GRIP1: variants seen among roughly 807,000 people sequenced by gnomAD.
The protein encoded by GRIP1 is glutamate receptor-interacting protein 1.
In GRIP1, 45 loss-of-function variants were observed where a neutral mutation model predicts 129.9. That is an observed-to-expected ratio of 0.35 (90% CI 0.27 to 0.44). GRIP1 has a LOEUF of 0.44. Among genes scored for constraint, GRIP1 ranks in the 20% least tolerant of loss-of-function variants. The pLI, the probability that GRIP1 is intolerant of heterozygous loss-of-function variation, is 1.00. For missense variants in GRIP1, 1,196 were observed against 1,396.8 expected, an observed-to-expected ratio of 0.86 and a Z score of 2.29; for synonymous variants, 530 against 520.8, an observed-to-expected ratio of 1.02 and a Z score of -0.24.
intron 8 of GRIP1, among the ~76,000 whole-genome samples, chr12:66,464,813 G>A (rs1344233753): frequency 1.5e-5 from 2 of 131,234 alleles, no homozygotes; most frequent in African/African-American, 6.5e-5. Flanking sequence ...AAACTGGCAA[G>A]AGAACTGTGT....
chr12:66,926,481 G>A lies in GRIP1; in HGVS notation c.58+142569C>T, dbSNP rs1012159735. Among the ~76,000 whole-genome samples, 3 of 152,168 alleles carry A rather than the reference G, an allele frequency of 2.0e-5. No individual in the cohort carries two copies. In the South Asian group the frequency reaches 6.2e-4, roughly 32 times the overall value. On this transcript the variant is annotated intron_variant, in intron 1 of 1. Coordinates refer to the GRIP1 transcript ENST00000643019. ...GTGAAGCTGAGAAACCTGAGTTCGA[G>A]TTCTGCCTCCATCATTTACTGTCAC...
At chr12:66,542,351 C>T (rs2061810605) in intron 2 of GRIP1, among the ~76,000 whole-genome samples, 1 of 152,158 alleles carries the variant, frequency 6.6e-6, no homozygotes, top group South Asian at 2.1e-4. Context: ...ATATATAGCA[C>T]AGTGGCACAC....
At chr12:66,995,131 G>C (rs2042448482) in intron 1 of GRIP1, among the ~76,000 whole-genome samples, 1 of 151,080 alleles carries the variant, frequency 6.6e-6, no homozygotes. Flanking sequence ...AGTACAACTG[G>C]ATATTTATAT....
chr12:66,457,940 C>T (rs780159342), intron 9 of GRIP1, among the ~76,000 whole-genome samples: 4 of 152,192 alleles, frequency 2.6e-5, no homozygotes, highest in South Asian at 2.1e-4. Context: ...TAGGCAAATA[C>T]GGTGCTTAGC....
chr12:66,641,848 T>C (rs921728665), intron 1 of GRIP1, among the ~76,000 whole-genome samples: 1 of 152,214 alleles, frequency 6.6e-6, no homozygotes, highest in Admixed American at 6.5e-5. Context: ...CTACTGAACA[T>C]ATGCGAAGTA....
In GRIP1 at chr12:66,451,383, G is replaced by GTTTTTTTTTTTTTTTT. The variant is rs1169331519; in HGVS notation, c.1354+4010_1354+4025dup. On this transcript the variant is annotated intron_variant, in intron 11 of 24. Coordinates refer to ENST00000359742, the MANE Select transcript of GRIP1 (RefSeq NM_001366722.1). Reference sequence around the variant, plus strand: ...CCCCAAAGATTTATTATTATAATCTGTTTTTTTTTTTTTTTTTTTTTTTTT... The same window carrying GTTTTTTTTTTTTTTTT: ...CCCCAAAGATTTATTATTATAATCTGTTTTTTTTTTTTTTTTTTTTTTTTTTTTTTTTTTTTTTTTT... Among the ~76,000 whole-genome samples the GTTTTTTTTTTTTTTTT allele has an allele frequency of 4.7e-4, 20 of 42,656 alleles. 4 individuals carry two copies. The highest frequency in any genetic ancestry group is 9.5e-4 in the Admixed American group (3 of 3,150). The allele number at this position is 42,656 out of a possible 152,430, so 28.0% of individuals were successfully genotyped here. A position where few individuals can be genotyped will look rare whatever the true frequency, so the allele number is the denominator to read the frequency against.
At chr12:66,924,774 T>C (rs1249334655) in intron 1 of GRIP1, among the ~76,000 whole-genome samples, 1 of 152,132 alleles carries the variant, frequency 6.6e-6, no homozygotes, top group Non-Finnish European at 1.5e-5. Context: ...GAGACCATCC[T>C]GGCTAACACG....
intron 1 of GRIP1, among the ~76,000 whole-genome samples, chr12:67,022,150 C>A (rs1295334652): frequency 6.6e-6 from 1 of 152,178 alleles, no homozygotes; most frequent in Non-Finnish European, 1.5e-5. Flanking sequence ...CTTCCATATA[C>A]TCTATAGCTA....
chr12:66,519,565 G>A (rs1565819792), intron 5 of GRIP1, among the ~76,000 whole-genome samples: 1 of 152,146 alleles, frequency 6.6e-6, no homozygotes, highest in Non-Finnish European at 1.5e-5. Context: ...TAAAGTGTGA[G>A]GTAGTTTTAT....
At chr12:66,899,559 C>A (rs2040811469) in intron 1 of GRIP1, among the ~76,000 whole-genome samples, 1 of 151,920 alleles carries the variant, frequency 6.6e-6, no homozygotes, top group South Asian at 2.1e-4. Context: ...GAGATGAGGT[C>A]TTGCTATATT....
At chr12:66,543,057 G>T (rs2061835100) in intron 2 of GRIP1, among the ~76,000 whole-genome samples, 1 of 152,068 alleles carries the variant, frequency 6.6e-6, no homozygotes, top group Admixed American at 6.5e-5. Flanking sequence ...TTTTTAAATT[G>T]CTGCTGCTAG....
At chr12:66,794,988 G>C (rs2038653954) in intron 1 of GRIP1, among the ~76,000 whole-genome samples, 1 of 152,110 alleles carries the variant, frequency 6.6e-6, no homozygotes, top group Admixed American at 6.6e-5. Context: ...CAACTGCTGA[G>C]CACCCGTACA....
chr12:66,579,430 G>A (rs1272301487), intron 2 of GRIP1, among the ~76,000 whole-genome samples: 1 of 152,196 alleles, frequency 6.6e-6, no homozygotes, highest in Non-Finnish European at 1.5e-5. Context: ...GACAAGTTGA[G>A]AGAAGAAGGC....
chr12:66,874,925 C>A (rs139359208), intron 1 of GRIP1, among the ~76,000 whole-genome samples: 1 of 149,844 alleles, frequency 6.7e-6, no homozygotes, highest in East Asian at 2.1e-4. Flanking sequence ...TACACATTAG[C>A]AGCCTTTGTA....
chr12:67,066,430 TA>T (rs1565664185), intron 1 of GRIP1, among the ~76,000 whole-genome samples: 1 of 152,194 alleles, frequency 6.6e-6, no homozygotes, highest in African/African-American at 2.4e-5. Context: ...AAATAAAATC[TA>T]CATGAAAAAA....
chr12:66,774,014 G>C (rs1360813845), intron 1 of GRIP1, among the ~76,000 whole-genome samples: 3 of 150,868 alleles, frequency 2.0e-5, no homozygotes, highest in Non-Finnish European at 4.4e-5. Flanking sequence ...AATGGTGCTA[G>C]AAGATGGGAG....
At chr12:66,467,684 ACC>A (rs1320262411) in intron 7 of GRIP1, among the ~76,000 whole-genome samples, 1 of 152,050 alleles carries the variant, frequency 6.6e-6, no homozygotes, top group Non-Finnish European at 1.5e-5. Flanking sequence ...CTCTGGCTCC[ACC>A]CCCAGCAGTC....
chr12:66,811,493 G>T lies in GRIP1; in HGVS notation c.59-214566C>A, dbSNP rs568585416. On this transcript the variant is annotated intron_variant, in intron 1 of 1. Transcript: ENST00000643019. Reference sequence around the variant, plus strand: ...AATTATAGTGTCTTTTAAGGTAATTGTGAGACTTCACGGAATCTATTTAAG... The same window carrying T: ...AATTATAGTGTCTTTTAAGGTAATTTTGAGACTTCACGGAATCTATTTAAG... Among the ~76,000 whole-genome samples the T allele has an allele frequency of 6.7e-5, 10 of 148,170 alleles. No individual in the cohort carries two copies. The East Asian group carries it at 2.0e-3, about 29-fold the overall frequency.
intron 13 of GRIP1, among the ~76,000 whole-genome samples, chr12:66,435,286 T>A (rs1471201077): frequency 6.6e-6 from 1 of 151,066 alleles, no homozygotes; most frequent in Non-Finnish European, 1.5e-5. Context: ...ACTGCAGCCT[T>A]GACCTCTGCA....
Sources: gnomAD v4.1 joint callset for allele counts (sites outside exome capture counted in the v4.1 genomes callset) on GRCh38, gnomAD v4.1.1 for gene constraint, MANE v1.5 for transcripts, NCBI Gene and HGNC (gene_info 2026-07-23, HGNC 2026-07-21) for gene names.